Variants in POGZ observed in about 807,000 individuals in gnomAD.
POGZ encodes the protein pogo transposable element derived with ZNF domain.
A neutral mutation model predicts 134.6 loss-of-function variants in POGZ; 17 were observed. The observed-to-expected ratio is 0.13, with a 90% confidence interval of 0.09 to 0.19. The LOEUF (loss-of-function observed/expected upper bound fraction) is 0.19. POGZ is among the 10% of genes least tolerant of loss of function. The pLI, the probability that POGZ is intolerant of heterozygous loss-of-function variation, is 1.00. For synonymous variants in POGZ, 693 were observed against 657.1 expected, an observed-to-expected ratio of 1.05 and a Z score of -0.84; for missense variants, 1,306 against 1,769.7, an observed-to-expected ratio of 0.74 and a Z score of 4.70.
chr1:151,433,366 G>A (rs897417672), intron 3 of POGZ, among the ~76,000 whole-genome samples: 4 of 152,112 alleles, frequency 2.6e-5, no homozygotes, highest in Admixed American at 2.0e-4. Flanking sequence ...CCAGCATTTT[G>A]GGAGGCTGAG....
chr1:151,441,183 T>G, intron 2 of POGZ, 97 bp from the exon 3 acceptor site: 2 of 985,410 alleles, frequency 2.0e-6, no homozygotes, highest in Non-Finnish European at 2.9e-6. Flanking sequence ...TGTGGGTCTC[T>G]ATAGCCAAAA....
At chr1:151,446,462 C>G (rs1661286473) in intron 1 of POGZ, among the ~76,000 whole-genome samples, 1 of 151,918 alleles carries the variant, frequency 6.6e-6, no homozygotes, top group African/African-American at 2.4e-5. Context: ...AGTGCTACAT[C>G]AAGAGGAAAA....
chr1:151,411,423 T>G (rs1654649080), intron 12 of POGZ, among the ~76,000 whole-genome samples: 1 of 152,214 alleles, frequency 6.6e-6, no homozygotes, highest in Non-Finnish European at 1.5e-5. Context: ...CATGTTTTAT[T>G]GTATTGTTTG....
At chr1:151,456,957 T>C (rs1662846422) in intron 1 of POGZ, among the ~76,000 whole-genome samples, 1 of 152,232 alleles carries the variant, frequency 6.6e-6, no homozygotes, top group South Asian at 2.1e-4. Context: ...ACTTGCTTTG[T>C]GCTAAGGTAC....
intron 10 of POGZ, among the ~76,000 whole-genome samples, chr1:151,423,033 C>T (rs545887448): frequency 6.6e-6 from 1 of 152,320 alleles, no homozygotes; most frequent in East Asian, 1.9e-4. Flanking sequence ...ACAATATTAT[C>T]TTTTAGCCTA....
Position 151,428,408 on chromosome 1 carries a change from C to T in POGZ, c.574G>A (p.Gly192Ser), listed in dbSNP as rs749317465. ...VRPITLVPAP[G>S]TQFVKPTVGV... Reference sequence around the variant, plus strand: ...ACTGTCGGCTTAACAAACTGGGTACCTGGGGCTTTAAAAGAGAGACAAAGT... The same window carrying T: ...ACTGTCGGCTTAACAAACTGGGTACTTGGGGCTTTAAAAGAGAGACAAAGT... The change falls in exon 6 of 19, where the codon GGT becomes AGT. Residue 192 changes from glycine to serine, a missense_variant. Physicochemically the swap from Gly to Ser is moderately conservative, Grantham distance 56. Coordinates refer to ENST00000271715, the MANE Select transcript of POGZ (RefSeq NM_015100.4). 5.6e-6 allele frequency: 9 copies of T among 1,613,206 alleles called. No homozygotes were observed. The highest frequency in any genetic ancestry group is 7.6e-6 in the Non-Finnish European group (9 of 1,179,320).
At chr1:151,458,890 C>T (rs1430405319) in intron 1 of POGZ, among the ~76,000 whole-genome samples, 2 of 143,362 alleles carry the variant, frequency 1.4e-5, no homozygotes, top group Non-Finnish European at 3.0e-5. Context: ...GCCGCCGGCC[C>T]TTCGCGCGGC....
chr1:151,436,509 T>A (rs1339619406), intron 3 of POGZ, among the ~76,000 whole-genome samples: 1 of 152,086 alleles, frequency 6.6e-6, no homozygotes, highest in East Asian at 1.9e-4. Flanking sequence ...AGTGGTGCGA[T>A]CTCAGCTCAC....
At position 151,405,829 on chromosome 1, in the gene POGZ, TAGG is replaced by T; in HGVS notation, c.3203_3205del (p.Ser1068del). ...CAGCATGAAACGCACAGCCCACTCA[TAGG>T]AGATCTTAAACCCCCCTTCCAAAGA... On this transcript the variant is annotated inframe_deletion, in exon 19 of 19. Transcript: ENST00000271715. This position sits in a 1 kb window ranked among gnomAD's most constrained non-coding sequence, Gnocchi z 4.9. 1 of 1,614,158 alleles carries T rather than the reference TAGG, an allele frequency of 6.2e-7. No homozygotes were observed. Among genetic ancestry groups the T allele is most frequent in the Non-Finnish European group, 8.5e-7 (1 of 1,180,014 alleles).
At position 151,404,939 on chromosome 1, in the gene POGZ, A is replaced by G. The variant is rs777062359; in HGVS notation, c.4096T>C (p.Ser1366Pro). The G allele has an allele frequency of 6.2e-7, 1 of 1,614,170 alleles. No individual in the cohort carries two copies. The highest frequency in any genetic ancestry group is 1.7e-5 in the Admixed American group (1 of 60,016). ...GATGATCTGGGTCGTGGAGTGGAAGACTCAGAATGTTCCCCACTCAGCTTC... is the reference window on the plus strand; with the variant it reads ...GATGATCTGGGTCGTGGAGTGGAAGGCTCAGAATGTTCCCCACTCAGCTTC... ...QLKLSGEHSE[S>P]STPRPRSSPE... The change falls in exon 19 of 19, where the codon TCT becomes CCT. Residue 1366 changes from serine (S) to proline (P), a missense_variant. Coordinates refer to ENST00000271715, the MANE Select transcript of POGZ (RefSeq NM_015100.4).
rs771240999 is a variant in POGZ at position 151,442,070 on chromosome 1, G to A, written c.124+11C>T. The A allele has an allele frequency of 6.3e-7, 1 of 1,578,130 alleles. No homozygotes were observed. The highest frequency in any genetic ancestry group is 1.1e-5 in the South Asian group (1 of 89,620). ...ATTTAAACCATCTAAGATCAGAAGA[G>A]CTTTTGTTACCTGTGGTAGTTTTAT... On this transcript the variant is annotated intron_variant, in intron 2 of 18. Coordinates refer to ENST00000271715, the MANE Select transcript of POGZ (RefSeq NM_015100.4).
chr1:151,406,662 G>T (rs1022504591), intron 17 of POGZ, 31 bp from the exon 18 acceptor site: 3 of 1,593,736 alleles, frequency 1.9e-6, no homozygotes, highest in Non-Finnish European at 2.6e-6. Context: ...AAAATAGTTA[G>T]CTCAGTGAAA....
rs6694569 is a variant in POGZ, at chr1:151,403,125, C to G, written c.*1677G>C. 1.7e-3 allele frequency: 1,208 copies of G among 713,980 alleles called. 16 individuals carry two copies. In the African/African-American group the frequency reaches 0.021, roughly 13 times the overall value. The allele number at this position is 713,980 out of a possible 1,614,324, so 44.2% of individuals were successfully genotyped here. A position where few individuals can be genotyped will look rare whatever the true frequency, so the allele number is the denominator to read the frequency against. ...TGGATCCTTGGTTGTTTTCAGATGT[C>G]AAAGGTTCACAAAGCTGGCCAAGCT... On this transcript the variant is annotated 3_prime_UTR_variant, in exon 19 of 19. Coordinates refer to ENST00000271715, the MANE Select transcript of POGZ (RefSeq NM_015100.4).
In POGZ at chr1:151,430,829, A is replaced by G. The variant is rs1658557379; in HGVS notation, c.296T>C (p.Leu99Ser). ...LIANNNAGNP[L>S]VQQGGQPLIL... ...GAGTGGCTGTCCACCTTGCTGGACC[A>G]AAGGATTGCCAGCTAAAGGGTAAAG... The change falls in exon 4 of 19, where the codon TTG becomes TCG. Residue 99 changes from leucine (L) to serine (S), a missense_variant. Physicochemically the swap from Leu to Ser is moderately radical, Grantham distance 145. This residue lies in a region of POGZ where 541 missense variants were observed against 680.5 expected (regional missense o/e 0.80). Coordinates refer to ENST00000271715, the MANE Select transcript of POGZ (RefSeq NM_015100.4). 1.3e-6 allele frequency: 2 copies of G among 1,565,930 alleles called. No individual in the cohort carries two copies. The highest frequency in any genetic ancestry group is 1.2e-5 in the South Asian group (1 of 83,740).
chr1:151,421,232 T>G (rs1656856526), intron 10 of POGZ, among the ~76,000 whole-genome samples: 1 of 152,022 alleles, frequency 6.6e-6, no homozygotes, highest in African/African-American at 2.4e-5. Flanking sequence ...AAAATTAAAA[T>G]TACTCATGAA....
chr1:151,439,764 C>A (rs1312998549), intron 3 of POGZ, among the ~76,000 whole-genome samples: 1 of 152,174 alleles, frequency 6.6e-6, no homozygotes, highest in African/African-American at 2.4e-5. Context: ...AATCCAGGAA[C>A]AATACTGATC....
At chr1:151,426,282 G>C (rs1016621570) in intron 7 of POGZ, 5 of 151,842 alleles carry the variant, frequency 3.3e-5, no homozygotes, top group African/African-American at 1.2e-4. Flanking sequence ...TGCCTTCCAG[G>C]TTCAAGCAAT....
intron 3 of POGZ, among the ~76,000 whole-genome samples, chr1:151,437,559 C>T (rs1179349210): frequency 6.6e-6 from 1 of 152,130 alleles, no homozygotes; most frequent in Non-Finnish European, 1.5e-5. Flanking sequence ...TGAGACCAGC[C>T]TGGCCAACAT....
At chr1:151,443,475 G>C (rs1169787367) in intron 1 of POGZ, among the ~76,000 whole-genome samples, 1 of 152,172 alleles carries the variant, frequency 6.6e-6, no homozygotes, top group Non-Finnish European at 1.5e-5. Flanking sequence ...CGAGGTGGGC[G>C]GATCACCTGA....
Sources: gnomAD v4.1 joint callset for allele counts (sites outside exome capture counted in the v4.1 genomes callset) on GRCh38, gnomAD v4.1.1 for gene constraint, gnomAD v4.1.1 regional missense constraint, Gnocchi (gnomAD v3.1) non-coding constraint, MANE v1.5 for transcripts, NCBI Gene and HGNC (gene_info 2026-07-23, HGNC 2026-07-21) for gene names.